CFAP47: variants seen among roughly 807,000 people sequenced by gnomAD.
CFAP47 encodes the protein cilia and flagella associated protein 47.
Under a neutral mutation model 148.1 loss-of-function variants are expected in CFAP47, and 29 were observed. That is an observed-to-expected ratio of 0.20 (90% CI 0.15 to 0.27). The LOEUF is 0.27. CFAP47 is among the 10% of genes least tolerant of loss of function. CFAP47 has a pLI of 1.00. For synonymous variants in CFAP47, 664 were observed against 577.3 expected (o/e 1.15, Z -2.15); for missense variants, 1,872 against 1,697.5 (o/e 1.10, Z -1.81).
In CFAP47 at chrX:36,099,780, C is replaced by G; in HGVS notation, c.5028C>G (p.Ser1676=). Residue 1676 remains serine (S), a synonymous_variant, in exon 32 of 64, where the codon TCC becomes TCG. Transcript: ENST00000378653. The part of the protein sequence containing the change: ...MSSTNTMPVS[S]CTPKKKCSIV... ...CCACTAATACGATGCCTGTGAGTTC[C>G]TGTACACCTAAGAAAAAATGTTCTA... 1 of 869,231 alleles carries G rather than the reference C, an allele frequency of 1.2e-6. No homozygotes were observed. The highest frequency in any genetic ancestry group is 1.7e-6 in the Non-Finnish European group (1 of 586,901). The allele number at this position is 869,231 out of a possible 1,213,427, so 71.6% of individuals were successfully genotyped here.
chrX:36,160,848 TTC>T, intron 39 of CFAP47, 79 bp downstream of exon 39: 3 of 250,699 alleles, frequency 1.2e-5, no homozygotes, highest in Non-Finnish European at 1.4e-5. Flanking sequence ...TTTTCTTTCT[TTC>T]TTTTTTTTTT....
At chrX:36,169,177 T>G (rs1939534179) in intron 39 of CFAP47, among the ~76,000 whole-genome samples, 1 of 111,112 alleles carries the variant, frequency 9.0e-6, no homozygotes, top group Non-Finnish European at 1.9e-5. Flanking sequence ...CTGAGTCAAT[T>G]TTGTATTGCT....
Position 35,989,465 on chromosome X carries a change from G to C in CFAP47, c.2844+16G>C. On this transcript the variant is annotated intron_variant, in intron 16 of 63. Transcript: ENST00000378653. Reference sequence around the variant, plus strand: ...TGTTGCACATGTAATTATTTTCCTTGAACATGGTTTTTGTTTTGAGGGCTA... The same window carrying C: ...TGTTGCACATGTAATTATTTTCCTTCAACATGGTTTTTGTTTTGAGGGCTA... 1 of 1,210,984 alleles carries C rather than the reference G, an allele frequency of 8.3e-7. No homozygotes were observed. Among genetic ancestry groups the C allele is most frequent in the Non-Finnish European group, 1.1e-6 (1 of 895,244 alleles).
chrX:35,982,496 G>A (rs1022123266), intron 15 of CFAP47, among the ~76,000 whole-genome samples: 12 of 111,019 alleles, frequency 1.1e-4, no homozygotes, highest in African/African-American at 3.9e-4. Flanking sequence ...CATTTTTGTT[G>A]CAATTGCTTT....
chrX:36,290,350 G>A (rs908577817), intron 51 of CFAP47, among the ~76,000 whole-genome samples: 3 of 112,056 alleles, frequency 2.7e-5, no homozygotes, highest in Non-Finnish European at 3.8e-5. Context: ...ATGCTGTTCT[G>A]GTTAGATACG....
chrX:36,133,462 G>C (rs1357022587), intron 33 of CFAP47, among the ~76,000 whole-genome samples: 4 of 110,464 alleles, frequency 3.6e-5, no homozygotes, highest in African/African-American at 6.6e-5. Flanking sequence ...TTACATTATA[G>C]TAGGCATCCC....
chrX:35,985,882 T>C (rs2082189840), intron 15 of CFAP47: 1 of 309,024 alleles, frequency 3.2e-6, no homozygotes, highest in Non-Finnish European at 6.4e-6. Context: ...GTCCTGCCCC[T>C]TCCTCCTAAG....
chrX:36,037,692 G>A (rs922870104), intron 24 of CFAP47, among the ~76,000 whole-genome samples: 1 of 110,892 alleles, frequency 9.0e-6, no homozygotes, highest in Non-Finnish European at 1.9e-5. Context: ...AACCCTTTAA[G>A]AGGTCTGAAA....
Position 36,371,706 on chromosome X carries a change from A to G in CFAP47, c.9185+4579A>G, listed in dbSNP as rs782272660. ...TATGTGTGTATATACACACATGTGT[A>G]TATATGTGTGTATATACACACATGT... On this transcript the variant is annotated intron_variant, in intron 62 of 63. Coordinates refer to ENST00000378653, the MANE Select transcript of CFAP47 (RefSeq NM_001304548.2). 1.4e-3 allele frequency among the ~76,000 whole-genome samples: 84 copies of G among 58,933 alleles called. 2 individuals carry two copies. Among genetic ancestry groups the G allele is most frequent in the African/African-American group, 7.1e-3 (68 of 9,534 alleles). The allele number at this position is 58,933 out of a possible 115,157, so 51.2% of individuals were successfully genotyped here.
intron 30 of CFAP47, among the ~76,000 whole-genome samples, chrX:36,089,309 C>T (rs1244336261): frequency 9.1e-6 from 1 of 110,298 alleles, no homozygotes; most frequent in Non-Finnish European, 1.9e-5. Flanking sequence ...GCGAAGGTTG[C>T]AGTGAGCCAA....
chrX:36,046,716 T>A, intron 25 of CFAP47, 138 bp from the exon 26 acceptor site: 1 of 424,258 alleles, frequency 2.4e-6, no homozygotes, highest in Non-Finnish European at 4.1e-6. Context: ...TACAAAGATA[T>A]CTTTAATAAT....
chrX:35,931,342 C>T (rs754243163), intron 2 of CFAP47, among the ~76,000 whole-genome samples: 13 of 110,579 alleles, frequency 1.2e-4, no homozygotes, highest in African/African-American at 3.9e-4. Flanking sequence ...GCTTTTTGCA[C>T]TTTTTTTTCT....
In CFAP47 at chrX:36,172,205, C is replaced by T. The variant is rs1246137854; in HGVS notation, c.6027-7140C>T. On this transcript the variant is annotated intron_variant, in intron 39 of 63. Transcript: ENST00000378653. ...AGCTTAAGGAGATTTTGGGCTGAGA[C>T]AATGGGGTTTTCTAGATATACAATC... Among the ~76,000 whole-genome samples the T allele has an allele frequency of 8.1e-5, 8 of 98,645 alleles. No individual in the cohort carries two copies. In the Admixed American group the frequency reaches 9.0e-4, roughly 11 times the overall value. 85.7% of individuals were successfully genotyped at this position (98,645 alleles called of 115,157 possible).
chrX:36,171,696 T>C (rs1939581826), intron 39 of CFAP47, among the ~76,000 whole-genome samples: 1 of 111,979 alleles, frequency 8.9e-6, no homozygotes, highest in African/African-American at 3.3e-5. Flanking sequence ...TTTTGGTTAC[T>C]GTAGCCTTGT....
At chrX:36,087,857 G>T (rs1266498604) in intron 30 of CFAP47, among the ~76,000 whole-genome samples, 1 of 111,601 alleles carries the variant, frequency 9.0e-6, no homozygotes, top group Non-Finnish European at 1.9e-5. Flanking sequence ...AAATGAGAGG[G>T]TCAAGTTGGA....
intron 21 of CFAP47, among the ~76,000 whole-genome samples, chrX:36,014,420 G>A (rs1401482660): frequency 9.0e-6 from 1 of 111,074 alleles, no homozygotes; most frequent in Non-Finnish European, 1.9e-5. Context: ...CTTTTCAATA[G>A]ATAGTTTAAT....
At chrX:36,182,398 A>G (rs1343470437) in intron 40 of CFAP47, among the ~76,000 whole-genome samples, 6 of 112,083 alleles carry the variant, frequency 5.4e-5, no homozygotes, top group Admixed American at 9.5e-5. Context: ...TCCACCATGA[A>G]GGGACACAAA....
intron 37 of CFAP47, among the ~76,000 whole-genome samples, chrX:36,152,634 T>C (rs1939321868): frequency 8.9e-6 from 1 of 111,788 alleles, no homozygotes; most frequent in South Asian, 3.8e-4. Context: ...CCTAGCCACC[T>C]CTAGACAGCT....
intron 61 of CFAP47, among the ~76,000 whole-genome samples, chrX:36,362,179 T>C (rs1483084260): frequency 8.9e-6 from 1 of 112,422 alleles, no homozygotes; most frequent in African/African-American, 3.2e-5. Flanking sequence ...TTGAAAATAT[T>C]ATTTGTGTTT....
Sources: gnomAD v4.1 joint callset for allele counts (sites outside exome capture counted in the v4.1 genomes callset) on GRCh38, gnomAD v4.1.1 for gene constraint, MANE v1.5 for transcripts, NCBI Gene and HGNC (gene_info 2026-07-23, HGNC 2026-07-21) for gene names.